CELSR1: variants seen among roughly 807,000 people sequenced by gnomAD.
CELSR1 encodes cadherin EGF LAG seven-pass G-type receptor 1.
In CELSR1, 110 loss-of-function variants were observed where a neutral mutation model predicts 249.1. The ratio of observed to expected loss-of-function variants is 0.44; its 90% confidence interval spans 0.38 to 0.52. CELSR1 has a LOEUF of 0.52. Among genes scored for constraint, CELSR1 ranks in the 20% least tolerant of loss-of-function variants. The pLI is 0.00. For missense variants in CELSR1, 4,109 were observed against 4,296.4 expected (o/e 0.96, Z 1.22); for synonymous variants, 2,113 against 1,900.0 (o/e 1.11, Z -2.92).
Position 46,374,413 on chromosome 22 carries a change from G to A in CELSR1, c.7585-1356C>T, listed in dbSNP as rs183385224. 4.9e-4 allele frequency among the ~76,000 whole-genome samples: 75 copies of A among 152,332 alleles called. No individual in the cohort carries two copies. The highest frequency in any genetic ancestry group is 1.8e-3 in the African/African-American group (75 of 41,568). ...TTCCAGAAATAGAACAAAGACAAAA[G>A]CGGATGCATAATAAATCATTTCAGC... is the stretch of plus-strand genomic sequence containing the variant. On this transcript the variant is annotated intron_variant, in intron 24 of 34. Transcript: ENST00000674500. The surrounding 1 kb of genome is among the most constrained non-coding windows in gnomAD (Gnocchi z 4.3).
At position 46,484,069 on chromosome 22, in the gene CELSR1, C is replaced by T. The variant is rs1226421672; in HGVS notation, c.3545-19724G>A. On this transcript the variant is annotated intron_variant, in intron 1 of 34. Transcript: ENST00000674500. This position sits in a 1 kb window ranked among gnomAD's most constrained non-coding sequence, Gnocchi z 4.5. ...AACATTCCCAGGCTCCCACGGGCTC[C>T]CACGCTCTGCCCTGGCTCTCAGACT... Among the ~76,000 whole-genome samples, 1 of 152,218 alleles carries T rather than the reference C, an allele frequency of 6.6e-6. No individual in the cohort carries two copies. Among genetic ancestry groups the T allele is most frequent in the South Asian group, 2.1e-4 (1 of 4,832 alleles).
In CELSR1 at chr22:46,377,403, G is replaced by C. The variant is rs1408455744; in HGVS notation, c.7384-142C>G. The C allele has an allele frequency of 2.6e-5, 23 of 895,898 alleles. No homozygotes were observed. In the East Asian group the frequency reaches 5.9e-4, roughly 23 times the overall value. The allele number at this position is 895,898 out of a possible 1,614,324, so 55.5% of individuals were successfully genotyped here. A position where few individuals can be genotyped will look rare whatever the true frequency, so the allele number is the denominator to read the frequency against. ...TCAGGCTGGGCTGGGGAGGCCGAGT[G>C]CTCATGGCTCTGGGCCTGGAACTGC... On this transcript the variant is annotated intron_variant, in intron 23 of 34. Coordinates refer to ENST00000674500, the MANE Select transcript of CELSR1 (RefSeq NM_001378328.1).
intron 1 of CELSR1, among the ~76,000 whole-genome samples, chr22:46,508,464 C>A (rs952480084): frequency 6.8e-6 from 1 of 146,768 alleles, no homozygotes; most frequent in Non-Finnish European, 1.5e-5. Flanking sequence ...TGTCCCCTCG[C>A]TGTCCCCTCA....
Position 46,437,625 on chromosome 22 carries a change from C to T in CELSR1, c.4407-1336G>A, listed in dbSNP as rs909546781. ...AATTAGCCGGGCATGGTGGTGGGCA[C>T]CTGTAATCCCAGCTACTCAAGAGGT... On this transcript the variant is annotated intron_variant, in intron 3 of 34. Coordinates refer to ENST00000674500, the MANE Select transcript of CELSR1 (RefSeq NM_001378328.1). The surrounding 1 kb of genome is among the most constrained non-coding windows in gnomAD (Gnocchi z 4.9). Among the ~76,000 whole-genome samples, 1 of 152,024 alleles carries T rather than the reference C, an allele frequency of 6.6e-6. No individual in the cohort carries two copies. Among genetic ancestry groups the T allele is most frequent in the African/African-American group, 2.4e-5 (1 of 41,344 alleles).
In CELSR1 at chr22:46,411,470, ACT is replaced by A. The variant is rs939945401; in HGVS notation, c.4769+130_4769+131del. The A allele has an allele frequency of 1.6e-4, 157 of 995,714 alleles. No individual in the cohort carries two copies. The African/African-American group carries it at 2.2e-3, about 14-fold the overall frequency. The allele number at this position is 995,714 out of a possible 1,614,324, so 61.7% of individuals were successfully genotyped here. A position where few individuals can be genotyped will look rare whatever the true frequency, so the allele number is the denominator to read the frequency against. The stretch of plus-strand genomic sequence containing the variant: ...GCCCCAACCATGGACAGGATGTCTG[ACT>A]CTAGCCTGGAATGAGGTCGCCAGGG... On this transcript the variant is annotated intron_variant, in intron 6 of 34. Coordinates refer to ENST00000674500, the MANE Select transcript of CELSR1 (RefSeq NM_001378328.1). The surrounding 1 kb of genome is among the most constrained non-coding windows in gnomAD (Gnocchi z 4.2).
chr22:46,535,764 G>A lies in CELSR1; in HGVS notation c.1407C>T (p.Pro469=), dbSNP rs267606282. The A allele has an allele frequency of 3.1e-6, 5 of 1,612,350 alleles. No individual in the cohort carries two copies. In the African/African-American group the frequency reaches 5.3e-5, roughly 17 times the overall value. The change falls in exon 1 of 35, where the codon CCC becomes CCT. Residue 469 remains proline (P), a synonymous_variant. Transcript: ENST00000674500. ...CAGCCGTGTTGAGCCCCACGTCCTC[G>A]GGCACCTGGACCACGTAGTTCTGCT... ...FSEQNYVVQV[P]EDVGLNTAVL...
In CELSR1 at chr22:46,473,021, G is replaced by A. The variant is rs899447861; in HGVS notation, c.3545-8676C>T. ...AGGTGGATGTGAATTTTGGGGGGAC[G>A]TTAGTCAACCCCGGGAATGCAGAGT... On this transcript the variant is annotated intron_variant, in intron 1 of 34. Transcript: ENST00000674500. The surrounding 1 kb of genome is among the most constrained non-coding windows in gnomAD (Gnocchi z 6.6). 6.6e-6 allele frequency among the ~76,000 whole-genome samples: 1 copy of A among 152,150 alleles called. No homozygotes were observed. Among genetic ancestry groups the A allele is most frequent in the Non-Finnish European group, 1.5e-5 (1 of 68,034 alleles).
At chr22:46,444,444 A>G (rs2079793654) in intron 2 of CELSR1, among the ~76,000 whole-genome samples, 1 of 152,204 alleles carries the variant, frequency 6.6e-6, no homozygotes, top group Non-Finnish European at 1.5e-5. Context: ...GGGACCAGAG[A>G]TCAACAGGTG....
rs925811955 is a variant in CELSR1, at chr22:46,536,262, G to C, written c.909C>G (p.Gly303=). The change falls in exon 1 of 35, where the codon GGC becomes GGG. Residue 303 remains glycine (G), a synonymous_variant. Transcript: ENST00000674500. ...CCAGTACGCTGTCCGTGCTCACGGC[G>C]CCCGTGGCAGAGTCGATTCGGAAGT... ...RGYFRIDSAT[G]AVSTDSVLDR... 1.2e-6 allele frequency: 2 copies of C among 1,612,304 alleles called. No homozygotes were observed. The highest frequency in any genetic ancestry group is 3.3e-5 in the Admixed American group (2 of 60,014).
intron 2 of CELSR1, among the ~76,000 whole-genome samples, chr22:46,460,680 G>A (rs1463950546): frequency 6.6e-6 from 1 of 152,192 alleles, no homozygotes; most frequent in Non-Finnish European, 1.5e-5. Context: ...GCCATCCCAG[G>A]CACATCTAAG....
At chr22:46,510,875 G>A (rs1005196759) in intron 1 of CELSR1, among the ~76,000 whole-genome samples, 13 of 152,102 alleles carry the variant, frequency 8.5e-5, no homozygotes, top group African/African-American at 2.9e-4. Context: ...AGCACTTCAG[G>A]AGGCCCAGGC....
At chr22:46,382,118 C>T (rs2078985159) in intron 20 of CELSR1, 68 bp from the exon 21 acceptor site, 1 of 1,373,728 alleles carries the variant, frequency 7.3e-7, no homozygotes, top group Admixed American at 2.8e-5. Flanking sequence ...GCCGTCAGTG[C>T]CAGCAGGTGC....
At position 46,439,190 on chromosome 22, in the gene CELSR1, T is replaced by C; in HGVS notation, c.4405A>G (p.Thr1469Ala). 1 of 1,612,076 alleles carries C rather than the reference T, an allele frequency of 6.2e-7. No individual in the cohort carries two copies. Among genetic ancestry groups the C allele is most frequent in the South Asian group, 1.1e-5 (1 of 90,962 alleles). The change falls in exon 3 of 35, where the codon ACG (threonine) becomes GCG (alanine). Residue 1469 changes from threonine to alanine, a missense_variant and splice_region_variant. Coordinates refer to ENST00000674500, the MANE Select transcript of CELSR1 (RefSeq NM_001378328.1). ...TGGCGCGGCGGGACGCACACTCACGTGAGGGAGATGGTGAAGTGGAAGCGC... is the reference window on the plus strand; with the variant it reads ...TGGCGCGGCGGGACGCACACTCACGCGAGGGAGATGGTGAAGTGGAAGCGC... ...RQRFHFTISL[T>A]FATQERNGLL... is the part of the protein sequence containing the mutation.
rs760858599 is a variant in CELSR1, at chr22:46,364,745, C to G, written c.8555-9G>C. On this transcript the variant is annotated splice_polypyrimidine_tract_variant and intron_variant, in intron 32 of 34. Coordinates refer to ENST00000674500, the MANE Select transcript of CELSR1 (RefSeq NM_001378328.1). ...GTTGGCCACAGCGTCCCCTGAGGCACGAGAGCGGTGCTCAGCAGGCAGCGG... is the reference window on the plus strand; with the variant it reads ...GTTGGCCACAGCGTCCCCTGAGGCAGGAGAGCGGTGCTCAGCAGGCAGCGG... The G allele has an allele frequency of 2.5e-6, 4 of 1,609,722 alleles. No individual in the cohort carries two copies. The highest frequency in any genetic ancestry group is 3.4e-6 in the Non-Finnish European group (4 of 1,178,854).
chr22:46,473,086 C>A lies in CELSR1; in HGVS notation c.3545-8741G>T, dbSNP rs1186755548. Among the ~76,000 whole-genome samples the A allele has an allele frequency of 6.6e-6, 1 of 152,044 alleles. No individual in the cohort carries two copies. The highest frequency in any genetic ancestry group is 2.4e-5 in the African/African-American group (1 of 41,382). On this transcript the variant is annotated intron_variant, in intron 1 of 34. Coordinates refer to ENST00000674500, the MANE Select transcript of CELSR1 (RefSeq NM_001378328.1). This position sits in a 1 kb window ranked among gnomAD's most constrained non-coding sequence, Gnocchi z 6.6. ...GGCACGGAGGCAGGGGGTGGGTGAA[C>A]CTCCGACTGCTGCCGGCCTCGTGGG...
rs1393992624 is a variant in CELSR1, at chr22:46,430,936, C to T, written c.4611+2457G>A. On this transcript the variant is annotated intron_variant, in intron 5 of 34. Transcript: ENST00000674500. This position sits in a 1 kb window ranked among gnomAD's most constrained non-coding sequence, Gnocchi z 4.6. ...TCTGCTAACACATCCTAGTGTGTGG[C>T]CCCGTCAGACCTCCTAATGGACGCC... is the stretch of plus-strand genomic sequence containing the variant. 1.3e-5 allele frequency among the ~76,000 whole-genome samples: 2 copies of T among 152,174 alleles called. No homozygotes were observed. The highest frequency in any genetic ancestry group is 2.9e-5 in the Non-Finnish European group (2 of 68,024).
At chr22:46,491,262 C>CTTTTT (rs58492957) in intron 1 of CELSR1, among the ~76,000 whole-genome samples, 1 of 118,556 alleles carries the variant, frequency 8.4e-6, no homozygotes, top group African/African-American at 3.3e-5. Context: ...CAGAAAGTCA[C>CTTTTT]TTTTTTTTTT....
intron 1 of CELSR1, among the ~76,000 whole-genome samples, chr22:46,533,091 A>G (rs544970364): frequency 6.6e-6 from 1 of 152,330 alleles, no homozygotes; most frequent in East Asian, 1.9e-4. Context: ...TACACACCTA[A>G]GCCCGACTGT....
At chr22:46,444,961 T>C (rs976907622) in intron 2 of CELSR1, among the ~76,000 whole-genome samples, 3 of 152,146 alleles carry the variant, frequency 2.0e-5, no homozygotes, top group Admixed American at 6.5e-5. Flanking sequence ...ATCCCAGCAC[T>C]TTGGGAGGCT....
Sources: allele counts gnomAD v4.1 joint callset (sites outside exome capture counted in the v4.1 genomes callset), GRCh38; gene constraint gnomAD v4.1.1; non-coding constraint Gnocchi (gnomAD v3.1); transcripts MANE v1.5; gene names NCBI Gene and HGNC (gene_info 2026-07-23, HGNC 2026-07-21).